The following PLS3 variants were observed in gnomAD, a reference collection of about 807,000 sequenced individuals.
PLS3 encodes the protein plastin 3.
A neutral mutation model predicts 46.5 loss-of-function variants in PLS3; 11 were observed. That is an observed-to-expected ratio of 0.24 (90% CI 0.15 to 0.39). The LOEUF (loss-of-function observed/expected upper bound fraction) is 0.39. Among genes scored for constraint, PLS3 ranks in the 10% least tolerant of loss-of-function variants. The pLI, the probability that PLS3 is intolerant of heterozygous loss-of-function variation, is 1.00. For missense variants in PLS3, 308 were observed against 461.8 expected (o/e 0.67, Z 3.05); for synonymous variants, 167 against 162.2 (o/e 1.03, Z -0.22).
chrX:115,643,043 C>T (rs1227267108), intron 9 of PLS3, among the ~76,000 whole-genome samples: 9 of 111,320 alleles, frequency 8.1e-5, no homozygotes, highest in African/African-American at 2.9e-4. Flanking sequence ...TGGGAGTTTC[C>T]CCCAACCTTT....
intron 1 of PLS3, among the ~76,000 whole-genome samples, chrX:115,571,618 C>T (rs887988705): frequency 9.0e-6 from 1 of 111,163 alleles, no homozygotes; most frequent in Non-Finnish European, 1.9e-5. Context: ...GGAAACATGG[C>T]TCAGTAAATT....
intron 1 of PLS3, among the ~76,000 whole-genome samples, chrX:115,594,644 CCTCTCTCT>C (rs782282497): frequency 1.6e-3 from 151 of 96,549 alleles, no homozygotes; most frequent in African/African-American, 5.5e-3. Flanking sequence ...TCTCTCCCTC[CCTCTCTCT>C]CTCTCTCTCT....
chrX:115,572,166 G>T (rs1230893003), intron 1 of PLS3, among the ~76,000 whole-genome samples: 1 of 111,302 alleles, frequency 9.0e-6, no homozygotes, highest in Non-Finnish European at 1.9e-5. Context: ...CAAACAAGGT[G>T]TTCCAGCTTT....
chrX:115,639,693 TA>T (rs2074875259), intron 8 of PLS3: 1 of 330,785 alleles, frequency 3.0e-6, no homozygotes, highest in African/African-American at 2.6e-5. Context: ...AGGTTCTTAA[TA>T]AGCGTTTGTG....
intron 1 of PLS3, among the ~76,000 whole-genome samples, chrX:115,574,294 T>G (rs2074234946): frequency 8.9e-6 from 1 of 112,023 alleles, no homozygotes; most frequent in Non-Finnish European, 1.9e-5. Context: ...TGGCCATAAA[T>G]GCTCCTTGCT....
chrX:115,639,120 G>A (rs2074869098), intron 8 of PLS3, among the ~76,000 whole-genome samples: 1 of 112,147 alleles, frequency 8.9e-6, no homozygotes, highest in Admixed American at 9.5e-5. Context: ...TTTCAGGGTA[G>A]TAAATACAGA....
intron 10 of PLS3, among the ~76,000 whole-genome samples, chrX:115,644,305 T>C (rs2074928669): frequency 9.1e-6 from 1 of 109,981 alleles, no homozygotes; most frequent in Non-Finnish European, 1.9e-5. Context: ...CTATAAAAAT[T>C]AAGAAATGCA....
intron 2 of PLS3, among the ~76,000 whole-genome samples, chrX:115,615,033 AAC>A (rs781919846): frequency 7.6e-4 from 83 of 108,995 alleles, no homozygotes; most frequent in Middle Eastern, 4.8e-3. Flanking sequence ...TGTTTAAAGC[AAC>A]ACACACACAC....
chrX:115,598,664 T>G, intron 1 of PLS3, among the ~76,000 whole-genome samples: 1 of 111,651 alleles, frequency 9.0e-6, no homozygotes, highest in African/African-American at 3.3e-5. Context: ...TACTTGAGTG[T>G]TTGTTTTATA....
chrX:115,589,796 G>A (rs1224730649), intron 1 of PLS3, among the ~76,000 whole-genome samples: 1 of 111,873 alleles, frequency 8.9e-6, no homozygotes, highest in East Asian at 2.8e-4. Context: ...ATAACTTTTC[G>A]GGTTGTACCT....
intron 1 of PLS3, among the ~76,000 whole-genome samples, chrX:115,584,472 A>G (rs1350606854): frequency 8.9e-6 from 1 of 112,516 alleles, no homozygotes; most frequent in East Asian, 2.8e-4. Flanking sequence ...CATATTATCT[A>G]CAGCTTGAAT....
chrX:115,565,275 C>G (rs782098068), intron 1 of PLS3, among the ~76,000 whole-genome samples: 1 of 111,556 alleles, frequency 9.0e-6, no homozygotes, highest in Non-Finnish European at 1.9e-5. Flanking sequence ...TTGCCTTAGT[C>G]TTGACACTTG....
At chrX:115,598,160 G>GTCAA (rs781834661) in intron 1 of PLS3, among the ~76,000 whole-genome samples, 20 of 109,194 alleles carry the variant, frequency 1.8e-4, no homozygotes, top group Admixed American at 4.0e-4. Flanking sequence ...AATTAGCTGG[G>GTCAA]GTGATATTGC....
At chrX:115,603,493 G>T (rs193289849) in intron 1 of PLS3, among the ~76,000 whole-genome samples, 1 of 111,775 alleles carries the variant, frequency 8.9e-6, no homozygotes, top group Admixed American at 9.5e-5. Context: ...TCAGAAAAAC[G>T]TAGAGACTCC....
chrX:115,609,809 A>G (rs1267386945), intron 1 of PLS3, among the ~76,000 whole-genome samples: 1 of 112,445 alleles, frequency 8.9e-6, no homozygotes, highest in Non-Finnish European at 1.9e-5. Flanking sequence ...AGATGTCAGT[A>G]TGCTATTTGA....
At position 115,621,309 on chromosome X, in the gene PLS3, C is replaced by G. The variant is rs782706811; in HGVS notation, c.74-937C>G. Reference sequence around the variant, plus strand: ...GGATTACAGGCGTGAGCCACCGTGCCCGGCCACAATACATTTTCTTAAATG... The same window carrying G: ...GGATTACAGGCGTGAGCCACCGTGCGCGGCCACAATACATTTTCTTAAATG... On this transcript the variant is annotated intron_variant, in intron 2 of 15. Transcript: ENST00000355899. Among the ~76,000 whole-genome samples, 23 of 112,679 alleles carry G rather than the reference C, an allele frequency of 2.0e-4. No individual in the cohort carries two copies. The Admixed American group carries it at 2.2e-3, about 11-fold the overall frequency.
chrX:115,590,095 A>G (rs1346756088), intron 1 of PLS3, among the ~76,000 whole-genome samples: 1 of 111,356 alleles, frequency 9.0e-6, no homozygotes, highest in East Asian at 2.8e-4. Context: ...ACCTCAGGTG[A>G]TCCGCCCACC....
At chrX:115,576,721 C>T (rs1395065177) in intron 1 of PLS3, among the ~76,000 whole-genome samples, 2 of 111,140 alleles carry the variant, frequency 1.8e-5, no homozygotes, top group Admixed American at 9.6e-5. Flanking sequence ...TATGGGCAGG[C>T]GGAACCTTGC....
At chrX:115,610,873 T>A in intron 2 of PLS3, 1 of 1,090,518 alleles carries the variant, frequency 9.2e-7, no homozygotes, top group Non-Finnish European at 1.2e-6. Context: ...CTATTTGATT[T>A]ATCCTTTATC....
Sources: allele counts gnomAD v4.1 joint callset (sites outside exome capture counted in the v4.1 genomes callset), GRCh38; gene constraint gnomAD v4.1.1; transcripts MANE v1.5; gene names NCBI Gene and HGNC (gene_info 2026-07-23, HGNC 2026-07-21).